Variants in COL25A1 observed in about 807,000 individuals in gnomAD.
COL25A1 encodes collagen type XXV alpha 1 chain.
COL25A1 carries 103 observed loss-of-function variants against 128.4 expected under a neutral mutation model. That is an observed-to-expected ratio of 0.80 (90% CI 0.68 to 0.94). The LOEUF (loss-of-function observed/expected upper bound fraction) is 0.94, where lower values mean the gene tolerates loss of function less well. Among genes scored for constraint, COL25A1 ranks in the 40% least tolerant of loss-of-function variants. The probability of loss-of-function intolerance (pLI) is 0.00; values close to 1 mark genes in which losing one functional copy is unlikely to be tolerated. For synonymous variants in COL25A1, 279 were observed against 277.2 expected (o/e 1.01, Z -0.06); for missense variants, 745 against 840.0 (o/e 0.89, Z 1.40).
At chr4:109,008,587 TC>T (rs1231523518) in intron 6 of COL25A1, among the ~76,000 whole-genome samples, 2 of 152,170 alleles carry the variant, frequency 1.3e-5, no homozygotes, top group African/African-American at 4.8e-5. Flanking sequence ...AACCAACTCA[TC>T]AACTTCTTTT....
intron 3 of COL25A1, among the ~76,000 whole-genome samples, chr4:109,073,679 T>C (rs146954607): frequency 6.6e-6 from 1 of 152,226 alleles, no homozygotes; most frequent in African/African-American, 2.4e-5. Context: ...TGAGATGCTA[T>C]CATATCTTTC....
chr4:109,190,913 G>A, intron 3 of COL25A1, among the ~76,000 whole-genome samples: 1 of 152,148 alleles, frequency 6.6e-6, no homozygotes, highest in Admixed American at 6.5e-5. Flanking sequence ...CATAAGGAGG[G>A]AAAATGATCA....
chr4:109,002,079 G>A (rs1341381736), intron 6 of COL25A1, among the ~76,000 whole-genome samples: 1 of 152,204 alleles, frequency 6.6e-6, no homozygotes, highest in African/African-American at 2.4e-5. Flanking sequence ...TAAGGATGTA[G>A]AGCAAAGGGA....
At chr4:109,025,181 A>G (rs1323524869) in intron 5 of COL25A1, among the ~76,000 whole-genome samples, 1 of 152,222 alleles carries the variant, frequency 6.6e-6, no homozygotes, top group African/African-American at 2.4e-5. Context: ...AGGATTGGCA[A>G]TCAAGGTGTA....
At chr4:109,188,181 A>G (rs771775834) in intron 3 of COL25A1, among the ~76,000 whole-genome samples, 1 of 152,212 alleles carries the variant, frequency 6.6e-6, no homozygotes, top group Non-Finnish European at 1.5e-5. Flanking sequence ...TTTTTGATTC[A>G]TACATACAGG....
In COL25A1 at chr4:109,251,061, A is replaced by G. The variant is rs118191242; in HGVS notation, c.367+49522T>C. Among the ~76,000 whole-genome samples the G allele has an allele frequency of 6.8e-3, 1,035 of 152,356 alleles. 51 individuals carry two copies. The South Asian group carries it at 0.11, about 17-fold the overall frequency. Reference sequence around the variant, plus strand: ...ATTTAAATACTATGACGTAAAATTAATACTACTTAATACTATGATACGAAA... The same window carrying G: ...ATTTAAATACTATGACGTAAAATTAGTACTACTTAATACTATGATACGAAA... On this transcript the variant is annotated intron_variant, in intron 3 of 37. Coordinates refer to ENST00000399132, the MANE Select transcript of COL25A1 (RefSeq NM_198721.4).
intron 3 of COL25A1, among the ~76,000 whole-genome samples, chr4:109,136,513 G>A (rs1489096885): frequency 1.3e-5 from 2 of 152,238 alleles, no homozygotes; most frequent in Non-Finnish European, 2.9e-5. Context: ...AATGCATCCT[G>A]AGGAAGTAAT....
At chr4:109,076,607 G>C (rs1303213758) in intron 3 of COL25A1, among the ~76,000 whole-genome samples, 1 of 152,030 alleles carries the variant, frequency 6.6e-6, no homozygotes, top group Admixed American at 6.6e-5. Context: ...AGTGGCCAGG[G>C]GTGGTTTGGG....
intron 5 of COL25A1, among the ~76,000 whole-genome samples, chr4:109,013,365 A>AAAATGGACCAGTCAGCTCTCTGT (rs1756854475): frequency 2.0e-5 from 3 of 148,204 alleles, no homozygotes; most frequent in Non-Finnish European, 4.4e-5. Context: ...GCACCCTGTC[A>AAAATGGACCAGTCAGCTCTCTGT]AAAATGGACC....
intron 3 of COL25A1, among the ~76,000 whole-genome samples, chr4:109,126,630 T>C (rs533017004): frequency 1.3e-5 from 2 of 152,330 alleles, no homozygotes; most frequent in Admixed American, 1.3e-4. Context: ...TCTATTGTAT[T>C]TATTCCAAAT....
intron 3 of COL25A1, among the ~76,000 whole-genome samples, chr4:109,099,401 T>C (rs1263674833): frequency 6.6e-6 from 1 of 152,188 alleles, no homozygotes; most frequent in Non-Finnish European, 1.5e-5. Flanking sequence ...ATATAACTTT[T>C]CTGATATAAA....
chr4:108,939,640 C>T (rs1303396300), intron 10 of COL25A1, among the ~76,000 whole-genome samples: 3 of 151,768 alleles, frequency 2.0e-5, no homozygotes, highest in Non-Finnish European at 2.9e-5. Context: ...GTTTCTGCTT[C>T]GTGGATAAAT....
intron 3 of COL25A1, among the ~76,000 whole-genome samples, chr4:109,278,274 C>T (rs191505818): frequency 6.2e-4 from 95 of 152,262 alleles, no homozygotes; most frequent in African/African-American, 1.9e-3. Flanking sequence ...TCAGAGAACA[C>T]GCAGCTATGT....
intron 5 of COL25A1, among the ~76,000 whole-genome samples, chr4:109,018,568 G>A (rs965165854): frequency 6.6e-6 from 1 of 152,140 alleles, no homozygotes; most frequent in Non-Finnish European, 1.5e-5. Context: ...GTTGCAGTTT[G>A]ACCTAGAGTC....
intron 3 of COL25A1, among the ~76,000 whole-genome samples, chr4:109,252,272 G>A (rs7677934): frequency 0.05 from 7,664 of 152,248 alleles, 381 homozygotes; most frequent in African/African-American, 0.13. Context: ...TCACCCTGGC[G>A]AATGGCGCCA....
intron 3 of COL25A1, among the ~76,000 whole-genome samples, chr4:109,102,027 A>G (rs1467434550): frequency 2.0e-5 from 3 of 152,224 alleles, no homozygotes. Flanking sequence ...CCCTTAGGAT[A>G]TAAATTCTTT....
At chr4:109,112,434 C>G (rs1767113319) in intron 3 of COL25A1, among the ~76,000 whole-genome samples, 1 of 151,648 alleles carries the variant, frequency 6.6e-6, no homozygotes, top group South Asian at 2.1e-4. Context: ...TTTTTTTACC[C>G]CAAATTCCTC....
chr4:109,218,357 G>GTTTTTTTTTTTTTTGTTTTGTTT (rs1560887047), intron 3 of COL25A1, among the ~76,000 whole-genome samples: 1 of 73,528 alleles, frequency 1.4e-5, no homozygotes, highest in East Asian at 5.1e-4. Context: ...GTTTTTTGGG[G>GTTTTTTTTTTTTTTGTTTTGTTT]TTTTTTTTTT....
chr4:108,947,925 A>G (rs1250961636), intron 8 of COL25A1, among the ~76,000 whole-genome samples: 3 of 152,190 alleles, frequency 2.0e-5, no homozygotes, highest in Non-Finnish European at 2.9e-5. Context: ...AAAAATATGC[A>G]TTATGCTGAG....
Sources: allele counts gnomAD v4.1 joint callset (sites outside exome capture counted in the v4.1 genomes callset), GRCh38; gene constraint gnomAD v4.1.1; transcripts MANE v1.5; gene names NCBI Gene and HGNC (gene_info 2026-07-23, HGNC 2026-07-21).